NYAP2: variants seen among roughly 807,000 people sequenced by gnomAD.
The protein encoded by NYAP2 is neuronal tyrosine-phosphorylated phosphoinositide-3-kinase adapter 2.
In NYAP2, 23 loss-of-function variants were observed where a neutral mutation model predicts 50.4. The ratio of observed to expected loss-of-function variants is 0.46; its 90% CI spans 0.33 to 0.65. NYAP2 has a LOEUF of 0.65. Ranked by LOEUF, NYAP2 falls within the 30% of genes least tolerant of loss-of-function variation. The pLI is 0.02. For synonymous variants in NYAP2, 394 were observed against 365.2 expected (o/e 1.08, Z -0.90); for missense variants, 885 against 861.0 (o/e 1.03, Z -0.35).
intron 4 of NYAP2, among the ~76,000 whole-genome samples, chr2:225,522,031 A>G (rs1449555792): frequency 6.6e-6 from 1 of 151,980 alleles, no homozygotes; most frequent in Non-Finnish European, 1.5e-5. Context: ...GAATTTATCC[A>G]TTTCTTCCAG....
intron 4 of NYAP2, among the ~76,000 whole-genome samples, chr2:225,527,122 C>T (rs1048251327): frequency 7.2e-5 from 11 of 152,308 alleles, no homozygotes; most frequent in African/African-American, 2.6e-4. Context: ...TTTTACTGGT[C>T]TCACCCAACA....
At position 225,502,887 on chromosome 2, in the gene NYAP2, A is replaced by G. The variant is rs1229657595; in HGVS notation, c.222-10484A>G. Reference sequence around the variant, plus strand: ...GGACCCTGACCACTCTGTTCTGTTCACTGCCTGACAAACTATAGGCACTTG... The same window carrying G: ...GGACCCTGACCACTCTGTTCTGTTCGCTGCCTGACAAACTATAGGCACTTG... On this transcript the variant is annotated intron_variant, in intron 3 of 6. Transcript: ENST00000636099. 5.9e-5 allele frequency among the ~76,000 whole-genome samples: 9 copies of G among 152,220 alleles called. No homozygotes were observed. The East Asian group carries it at 1.5e-3, about 26-fold the overall frequency.
At chr2:225,545,552 CT>C (rs1691564447) in intron 4 of NYAP2, among the ~76,000 whole-genome samples, 1 of 152,034 alleles carries the variant, frequency 6.6e-6, no homozygotes, top group Non-Finnish European at 1.5e-5. Context: ...TTTTCAATCT[CT>C]TTGTTAAATG....
chr2:225,683,869 C>T, the NYAP2 span, among the ~76,000 whole-genome samples: 5 of 152,142 alleles, frequency 3.3e-5, no homozygotes, highest in South Asian at 2.1e-4. Context: ...TCATAAGGGA[C>T]GTTCATTTTT....
At chr2:225,645,238 G>GA (rs36010669) in intron 6 of NYAP2, among the ~76,000 whole-genome samples, 1,641 of 101,464 alleles carry the variant, frequency 0.016, 32 homozygotes, top group African/African-American at 0.053. Flanking sequence ...AGCCTGGGCA[G>GA]AAAAAAAAAA....
Position 225,481,490 on chromosome 2 carries a change from CT to C in NYAP2, c.222-31876del, listed in dbSNP as rs199855896. 2.8e-4 allele frequency among the ~76,000 whole-genome samples: 43 copies of C among 152,182 alleles called. 1 individual carries two copies. In the East Asian group the frequency reaches 6.8e-3, roughly 24 times the overall value. ...AACATAAAACATATTTACTTATTCA[CT>C]TTTTGACCTGCTAATAAAGAATTTA... On this transcript the variant is annotated intron_variant, in intron 3 of 6. Transcript: ENST00000636099.
the NYAP2 span, chr2:225,699,084 G>A: frequency 6.6e-6 from 1 of 151,848 alleles, no homozygotes; most frequent in Non-Finnish European, 1.5e-5. Flanking sequence ...TAAGTTTCAA[G>A]GGTTTGACAG....
intron 3 of NYAP2, among the ~76,000 whole-genome samples, chr2:225,495,132 G>T (rs2106173636): frequency 6.6e-6 from 1 of 152,262 alleles, no homozygotes; most frequent in South Asian, 2.1e-4. Flanking sequence ...AAATAGTCTT[G>T]TAAATGCTCA....
intron 5 of NYAP2, among the ~76,000 whole-genome samples, chr2:225,591,857 T>C (rs1004890715): frequency 2.6e-5 from 4 of 152,198 alleles, no homozygotes; most frequent in Non-Finnish European, 5.9e-5. Flanking sequence ...GCCTAATTTG[T>C]AGACAAATGG....
At chr2:225,660,089 C>G in the NYAP2 span, among the ~76,000 whole-genome samples, 2 of 152,152 alleles carry the variant, frequency 1.3e-5, no homozygotes, top group African/African-American at 4.8e-5. Context: ...TTGCCTGCAC[C>G]TGGGGCAAAT....
intron 5 of NYAP2, among the ~76,000 whole-genome samples, chr2:225,598,722 T>C (rs1692648321): frequency 6.6e-6 from 1 of 152,254 alleles, no homozygotes; most frequent in Non-Finnish European, 1.5e-5. Context: ...GTTTTTTATA[T>C]GTGAAAGGCT....
intron 4 of NYAP2, among the ~76,000 whole-genome samples, chr2:225,522,171 CTTT>C (rs1442980828): frequency 2.6e-5 from 4 of 151,988 alleles, no homozygotes; most frequent in Non-Finnish European, 4.4e-5. Flanking sequence ...CTCTTTTCTT[CTTT>C]ATTAGTCTTG....
chr2:225,427,373 T>A (rs1433852450), intron 3 of NYAP2, among the ~76,000 whole-genome samples: 1 of 152,238 alleles, frequency 6.6e-6, no homozygotes, highest in Non-Finnish European at 1.5e-5. Flanking sequence ...CCTTTTAATA[T>A]CACAGTTTCC....
At chr2:225,547,395 A>G (rs1691604120) in intron 4 of NYAP2, among the ~76,000 whole-genome samples, 1 of 152,202 alleles carries the variant, frequency 6.6e-6, no homozygotes. Flanking sequence ...CTTGCTTAGA[A>G]ATTGCAGTCC....
chr2:225,406,108 A>G (rs560591984), intron 2 of NYAP2, among the ~76,000 whole-genome samples: 1 of 148,400 alleles, frequency 6.7e-6, no homozygotes. Context: ...TCCAACCACT[A>G]TTTTTTTTTT....
chr2:225,550,199 G>A (rs1181222663), intron 4 of NYAP2, among the ~76,000 whole-genome samples: 1 of 152,134 alleles, frequency 6.6e-6, no homozygotes, highest in African/African-American at 2.4e-5. Flanking sequence ...TTTCTCATCA[G>A]TAAATGTCTA....
chr2:225,675,985 T>C, the NYAP2 span, among the ~76,000 whole-genome samples: 1 of 152,048 alleles, frequency 6.6e-6, no homozygotes, highest in East Asian at 1.9e-4. Context: ...TATTTTTCAC[T>C]GGGATTTTTT....
At chr2:225,612,612 T>C (rs756910114) in intron 5 of NYAP2, among the ~76,000 whole-genome samples, 1 of 152,076 alleles carries the variant, frequency 6.6e-6, no homozygotes, top group Non-Finnish European at 1.5e-5. Context: ...GCCAAGACAT[T>C]CAAGTACTGG....
At position 225,564,697 on chromosome 2, in the gene NYAP2, AC is replaced by A. The variant is rs1227777078; in HGVS notation, c.524-17243del. Reference sequence around the variant, plus strand: ...AACTGCATAAATATAAAAAAAAAAAACATGCTCACTATCTGCATGTCCTCAT... The same window carrying A: ...AACTGCATAAATATAAAAAAAAAAAAATGCTCACTATCTGCATGTCCTCAT... On this transcript the variant is annotated intron_variant, in intron 4 of 6. Transcript: ENST00000636099. 9.4e-4 allele frequency among the ~76,000 whole-genome samples: 143 copies of A among 151,752 alleles called. 1 individual carries two copies. Among genetic ancestry groups the A allele is most frequent in the African/African-American group, 3.1e-3 (130 of 41,396 alleles).
Sources: allele counts gnomAD v4.1 joint callset (sites outside exome capture counted in the v4.1 genomes callset), GRCh38; gene constraint gnomAD v4.1.1; transcripts MANE v1.5; gene names NCBI Gene and HGNC (gene_info 2026-07-23, HGNC 2026-07-21).